C10orf90: variants seen among roughly 807,000 people sequenced by gnomAD.
C10orf90 encodes the protein chromosome 10 open reading frame 90, also known as (E2-independent) E3 ubiquitin-conjugating enzyme FATS.
C10orf90 carries 56 observed loss-of-function variants against 62.5 expected under a neutral mutation model. That is an observed-to-expected ratio of 0.90 (90% CI 0.72 to 1.12). C10orf90 has a LOEUF of 1.12. Ranked by LOEUF, C10orf90 falls within the 50% of genes most tolerant of loss-of-function variation. The pLI, the probability that C10orf90 is intolerant of heterozygous loss-of-function variation, is 0.00. For synonymous variants in C10orf90, 386 were observed against 340.4 expected (o/e 1.13, Z -1.47); for missense variants, 970 against 880.4 (o/e 1.10, Z -1.29).
intron 4 of C10orf90, among the ~76,000 whole-genome samples, chr10:126,483,238 G>A (rs1861256624): frequency 6.6e-6 from 1 of 152,222 alleles, no homozygotes; most frequent in African/African-American, 2.4e-5. Context: ...TCGCAGGTGA[G>A]CCTAAGTGAA....
intron 2 of C10orf90, among the ~76,000 whole-genome samples, chr10:126,561,874 T>A (rs1449012239): frequency 1.3e-5 from 2 of 152,108 alleles, no homozygotes; most frequent in Non-Finnish European, 2.9e-5. Flanking sequence ...AGGTGTAAAT[T>A]TGGAAGTTAA....
intron 1 of C10orf90, among the ~76,000 whole-genome samples, chr10:126,659,865 A>G (rs1358686889): frequency 6.6e-6 from 1 of 152,244 alleles, no homozygotes; most frequent in Non-Finnish European, 1.5e-5. Context: ...CCCTGGCCCC[A>G]GGTGCTCATC....
At chr10:126,565,015 TATATATTATATATTATATAAA>T in intron 2 of C10orf90, among the ~76,000 whole-genome samples, 4 of 14,082 alleles carry the variant, frequency 2.8e-4, no homozygotes, top group Non-Finnish European at 2.7e-4. Flanking sequence ...ATATATATAA[TATATATTATATATTATATAAA>T]ATATATAATA....
intron 2 of C10orf90, among the ~76,000 whole-genome samples, chr10:126,637,320 C>T (rs1016060794): frequency 1.3e-5 from 2 of 152,150 alleles, no homozygotes; most frequent in African/African-American, 4.8e-5. Flanking sequence ...TGGAGATGGG[C>T]CTGATTCCCT....
intron 2 of C10orf90, among the ~76,000 whole-genome samples, chr10:126,517,669 T>G (rs1863512472): frequency 1.3e-5 from 2 of 152,136 alleles, no homozygotes; most frequent in South Asian, 4.1e-4. Flanking sequence ...TCCAGCACTT[T>G]GGGAGGCCAA....
chr10:126,508,630 G>A (rs1487055777), intron 3 of C10orf90, among the ~76,000 whole-genome samples: 1 of 152,170 alleles, frequency 6.6e-6, no homozygotes, highest in Admixed American at 6.5e-5. Context: ...CTTCTGCATG[G>A]ATATGGTGGG....
intron 2 of C10orf90, among the ~76,000 whole-genome samples, chr10:126,586,005 A>G (rs1230789169): frequency 6.6e-6 from 1 of 152,214 alleles, no homozygotes; most frequent in African/African-American, 2.4e-5. Flanking sequence ...CTGAACAGAG[A>G]AGCGACTTAA....
chr10:126,664,462 T>C (rs1180389441), intron 1 of C10orf90, among the ~76,000 whole-genome samples: 1 of 152,168 alleles, frequency 6.6e-6, no homozygotes. Flanking sequence ...ATTATCATTT[T>C]TCCTATGAAC....
intron 2 of C10orf90, among the ~76,000 whole-genome samples, chr10:126,590,742 C>T (rs1411856704): frequency 6.6e-6 from 1 of 151,934 alleles, no homozygotes; most frequent in Non-Finnish European, 1.5e-5. Context: ...AGAAAGATCT[C>T]AAATCAACAA....
chr10:126,479,910 G>A (rs1861082665), intron 4 of C10orf90, among the ~76,000 whole-genome samples: 1 of 152,098 alleles, frequency 6.6e-6, no homozygotes, highest in African/African-American at 2.4e-5. Context: ...TTTCGATGTG[G>A]GATAACATGA....
chr10:126,631,130 G>A (rs1031825604), intron 2 of C10orf90, among the ~76,000 whole-genome samples: 13 of 152,182 alleles, frequency 8.5e-5, no homozygotes, highest in Admixed American at 8.5e-4. Flanking sequence ...ATCTGTTCCA[G>A]CATGCACAAC....
intron 2 of C10orf90, among the ~76,000 whole-genome samples, chr10:126,635,959 C>G (rs1191400284): frequency 6.6e-6 from 1 of 152,178 alleles, no homozygotes; most frequent in Non-Finnish European, 1.5e-5. Context: ...CAGGAGCTCT[C>G]CCCTCAGCGC....
At chr10:126,518,481 A>T (rs1863560547) in intron 2 of C10orf90, among the ~76,000 whole-genome samples, 1 of 152,052 alleles carries the variant, frequency 6.6e-6, no homozygotes, top group Non-Finnish European at 1.5e-5. Context: ...AACCACACCT[A>T]GTCTGTGGGC....
intron 2 of C10orf90, among the ~76,000 whole-genome samples, chr10:126,555,411 G>A (rs1288633753): frequency 6.6e-6 from 1 of 152,104 alleles, no homozygotes; most frequent in East Asian, 1.9e-4. Flanking sequence ...GGTGACTCAT[G>A]CCTGTAATCC....
chr10:126,611,233 T>C (rs549904637), intron 2 of C10orf90, among the ~76,000 whole-genome samples: 1 of 152,320 alleles, frequency 6.6e-6, no homozygotes, highest in East Asian at 1.9e-4. Context: ...TTCGTATAAA[T>C]GGATTACAAA....
At chr10:126,510,018 C>T (rs1212890192) in intron 3 of C10orf90, among the ~76,000 whole-genome samples, 1 of 152,208 alleles carries the variant, frequency 6.6e-6, no homozygotes, top group Non-Finnish European at 1.5e-5. Context: ...CCATCTTCTT[C>T]CTGCATCTTT....
chr10:126,640,025 T>C (rs953028748), intron 2 of C10orf90, among the ~76,000 whole-genome samples: 1 of 152,190 alleles, frequency 6.6e-6, no homozygotes, highest in African/African-American at 2.4e-5. Context: ...GGATGGTCTA[T>C]TTTCTCTCTA....
intron 2 of C10orf90, among the ~76,000 whole-genome samples, chr10:126,642,870 C>T (rs1400460431): frequency 1.3e-5 from 2 of 152,198 alleles, no homozygotes; most frequent in Non-Finnish European, 2.9e-5. Flanking sequence ...CAGCACCCCG[C>T]TAACCCCATA....
chr10:126,547,148 T>G (rs1004006719), intron 2 of C10orf90, among the ~76,000 whole-genome samples: 28 of 149,724 alleles, frequency 1.9e-4, no homozygotes, highest in East Asian at 4.0e-4. Flanking sequence ...GGCCGGGCGT[T>G]GTGGCTCACG....
Sources: gnomAD v4.1 joint callset for allele counts (sites outside exome capture counted in the v4.1 genomes callset) on GRCh38, gnomAD v4.1.1 for gene constraint, MANE v1.5 for transcripts, NCBI Gene and HGNC (gene_info 2026-07-23, HGNC 2026-07-21) for gene names.